ERICH2: variants seen among roughly 807,000 people sequenced by gnomAD.
The protein encoded by ERICH2 is glutamate rich 2.
ERICH2 carries 17 observed loss-of-function variants against 17.4 expected under a neutral mutation model. That is an observed-to-expected ratio of 0.98 (90% CI 0.67 to 1.47). ERICH2 has a LOEUF of 1.47. ERICH2 is among the 40% of genes most tolerant of loss of function. The pLI, the probability that ERICH2 is intolerant of heterozygous loss-of-function variation, is 0.00. For missense variants in ERICH2, 186 were observed against 183.2 expected (o/e 1.01, Z -0.09); for synonymous variants, 51 against 61.1 (o/e 0.83, Z 0.77).
intron 1 of ERICH2, 54 bp from the exon 7 acceptor site, chr2:170,784,587 AAATTT>A (rs1220478097): frequency 1.8e-6 from 2 of 1,132,640 alleles, no homozygotes; most frequent in Non-Finnish European, 1.2e-6. Flanking sequence ...GGATCTGGCA[AAATTT>A]AATTTGCGAA....
intron 3 of ERICH2, 146 bp from the exon 9 acceptor site, chr2:170,797,895 G>C: frequency 1.7e-6 from 1 of 588,006 alleles, no homozygotes; most frequent in Non-Finnish European, 3.1e-6. Context: ...TTTGTACTCA[G>C]ATATACCTGT....
rs771669134 is a variant in ERICH2 at position 170,784,763 on chromosome 2, A to G, written c.146A>G (p.Asn49Ser). 5 of 1,544,228 alleles carry G rather than the reference A, an allele frequency of 3.2e-6. No homozygotes were observed. In the South Asian group the frequency reaches 3.6e-5, roughly 11 times the overall value. The change falls in exon 2 of 5, where the codon AAT (asparagine) becomes AGT (serine). Residue 49 changes from asparagine to serine, a missense_variant. Physicochemically the swap from Asn to Ser is conservative, Grantham distance 46 (BLOSUM62 1). Transcript: ENST00000409885. ...GAGGATGATGGTGAAGATGATACCA[A>G]TGATGAAGATGATGATGAAGATAGT...
At chr2:170,790,993 G>A (rs575985394) in intron 2 of ERICH2, among the ~76,000 whole-genome samples, 44 of 151,598 alleles carry the variant, frequency 2.9e-4, no homozygotes, top group African/African-American at 1.0e-3. Flanking sequence ...CATAAAACAA[G>A]AAAAATAATT....
upstream of ERICH2, among the ~76,000 whole-genome samples, chr2:170,780,117 A>T (rs982366867): frequency 2.0e-5 from 3 of 152,224 alleles, no homozygotes; most frequent in African/African-American, 7.2e-5. Context: ...AATTTTATTA[A>T]GTACTAAATT....
At chr2:170,787,086 C>T (rs550478649) in intron 2 of ERICH2, among the ~76,000 whole-genome samples, 1 of 151,998 alleles carries the variant, frequency 6.6e-6, no homozygotes, top group South Asian at 2.1e-4. Flanking sequence ...CTTGCTTTGC[C>T]AGGCTGGAGT....
At chr2:170,788,311 GT>G (rs1559253730) in intron 2 of ERICH2, among the ~76,000 whole-genome samples, 1 of 151,704 alleles carries the variant, frequency 6.6e-6, no homozygotes, top group African/African-American at 2.4e-5. Flanking sequence ...GAGTTGTTTT[GT>G]TTTTTTCTTT....
intron 2 of ERICH2, among the ~76,000 whole-genome samples, chr2:170,790,443 A>G (rs1701261720): frequency 6.6e-6 from 1 of 152,222 alleles, no homozygotes; most frequent in Admixed American, 6.5e-5. Flanking sequence ...CCTGAACAAC[A>G]TGGTGAAACC....
At position 170,792,924 on chromosome 2, in the gene ERICH2, A is replaced by G; in HGVS notation, c.274+4A>G. On this transcript the variant is annotated splice_donor_region_variant and intron_variant, in intron 3 of 4. Coordinates refer to ENST00000409885, the Ensembl canonical transcript of ERICH2. Reference sequence around the variant, plus strand: ...GCAAAAAAATTATGTCAGATGAGTAAGTACAAAATACTTTCATATTTTCTA... The same window carrying G: ...GCAAAAAAATTATGTCAGATGAGTAGGTACAAAATACTTTCATATTTTCTA... 1 of 1,476,358 alleles carries G rather than the reference A, an allele frequency of 6.8e-7. No individual in the cohort carries two copies. The highest frequency in any genetic ancestry group is 9.1e-7 in the Non-Finnish European group (1 of 1,095,088). 91.5% of individuals were successfully genotyped at this position (1,476,358 alleles called of 1,614,324 possible). A position where few individuals can be genotyped will look rare whatever the true frequency, so the allele number is the denominator to read the frequency against.
intron 4 of ERICH2, among the ~76,000 whole-genome samples, chr2:170,798,554 G>C (rs1167288205): frequency 6.6e-6 from 1 of 152,086 alleles, no homozygotes; most frequent in Non-Finnish European, 1.5e-5. Flanking sequence ...TATTTTTATA[G>C]ACTTATGTTT....
chr2:170,798,186 G>T, intron 4 of ERICH2, 74 bp downstream of exon 9: 2 of 992,206 alleles, frequency 2.0e-6, no homozygotes, highest in Non-Finnish European at 3.1e-6. Context: ...ATTATCCCGG[G>T]AGATTGTCGA....
At chr2:170,798,011 A>C in intron 3 of ERICH2, 30 bp from the exon 9 acceptor site, 1 of 1,480,746 alleles carries the variant, frequency 6.8e-7, no homozygotes, top group Non-Finnish European at 9.2e-7. Flanking sequence ...CGTTAATAAC[A>C]CACATTCTGT....
At chr2:170,773,166 G>C in the ERICH2 span, among the ~76,000 whole-genome samples, 28 of 152,288 alleles carry the variant, frequency 1.8e-4, no homozygotes, top group Admixed American at 8.5e-4. Context: ...ATCCTGTAAA[G>C]GCAGTCTGGT....
At chr2:170,796,452 T>TTTTTTTTTTTTTTTTTTTTTTC (rs373654461) in intron 3 of ERICH2, among the ~76,000 whole-genome samples, 1 of 138,332 alleles carries the variant, frequency 7.2e-6, no homozygotes. Flanking sequence ...TTTTTTTTTT[T>TTTTTTTTTTTTTTTTTTTTTTC]TGAGACAGCG....
At chr2:170,784,555 A>G (rs747622106) in intron 1 of ERICH2, 91 bp from the exon 7 acceptor site, 8 of 577,522 alleles carry the variant, frequency 1.4e-5, no homozygotes, top group Non-Finnish European at 2.0e-5. Flanking sequence ...TTATTAATAT[A>G]TCAGTTTAAT....
At chr2:170,796,592 C>T (rs182465115) in intron 3 of ERICH2, among the ~76,000 whole-genome samples, 76 of 152,108 alleles carry the variant, frequency 5.0e-4, no homozygotes, top group Non-Finnish European at 8.5e-4. Context: ...CGTGTTACCA[C>T]GCCCAGCTAA....
chr2:170,775,418 C>T, the ERICH2 span, among the ~76,000 whole-genome samples: 8 of 151,804 alleles, frequency 5.3e-5, no homozygotes, highest in Admixed American at 3.9e-4. Context: ...GGTGACAGAG[C>T]GAGACTCTGT....
chr2:170,771,193 A>T, the ERICH2 span: 1 of 154,118 alleles, frequency 6.5e-6, no homozygotes, highest in Non-Finnish European at 1.5e-5. This position sits in a 1 kb window ranked among gnomAD's most constrained non-coding sequence, Gnocchi z 4.8. Context: ...AGCTGGTAAG[A>T]CACTCCGAGG....
intron 1 of ERICH2, among the ~76,000 whole-genome samples, chr2:170,784,121 A>G (rs1421022210): frequency 1.3e-5 from 2 of 152,162 alleles, no homozygotes; most frequent in Admixed American, 1.3e-4. Context: ...CCATCAAAGA[A>G]GGCATCTCAG....
At chr2:170,795,003 A>C (rs1433084136) in intron 3 of ERICH2, among the ~76,000 whole-genome samples, 1 of 152,160 alleles carries the variant, frequency 6.6e-6, no homozygotes, top group Admixed American at 6.5e-5. Context: ...TTTTTTTGAG[A>C]CAGGGTCTTG....
Sources: gnomAD v4.1 joint callset for allele counts (sites outside exome capture counted in the v4.1 genomes callset) on GRCh38, gnomAD v4.1.1 for gene constraint, Gnocchi (gnomAD v3.1) non-coding constraint, MANE v1.5 for transcripts, NCBI Gene and HGNC (gene_info 2026-07-23, HGNC 2026-07-21) for gene names.